Variants in PARD3 observed in about 807,000 individuals in gnomAD.
PARD3 encodes the protein par-3 family cell polarity regulator.
PARD3 carries 75 observed loss-of-function variants against 155.4 expected under a neutral mutation model. The ratio of observed to expected loss-of-function variants is 0.48; its 90% CI spans 0.40 to 0.58. PARD3 has a LOEUF of 0.58. PARD3 is among the 20% of genes least tolerant of loss of function. PARD3 has a pLI of 0.00. For synonymous variants in PARD3, 576 were observed against 610.5 expected, an observed-to-expected ratio of 0.94 and a Z score of 0.83; for missense variants, 1,642 against 1,721.7, an observed-to-expected ratio of 0.95 and a Z score of 0.82.
At chr10:34,330,698 G>T (rs1173029620) in intron 19 of PARD3, among the ~76,000 whole-genome samples, 2 of 151,768 alleles carry the variant, frequency 1.3e-5, no homozygotes, top group Non-Finnish European at 2.9e-5. Context: ...ATTAAAACTG[G>T]GAAAGTTTTA....
At chr10:34,498,010 C>T (rs576964937) in intron 3 of PARD3, among the ~76,000 whole-genome samples, 1 of 152,168 alleles carries the variant, frequency 6.6e-6, no homozygotes, top group South Asian at 2.1e-4. Flanking sequence ...GTGCTTTCCC[C>T]CCTCTCCTAC....
At chr10:34,675,024 GCTT>G (rs2093678863) in intron 2 of PARD3, among the ~76,000 whole-genome samples, 2 of 152,148 alleles carry the variant, frequency 1.3e-5, no homozygotes, top group Admixed American at 6.5e-5. Flanking sequence ...AATTTGCTTT[GCTT>G]CTTACCTTTT....
chr10:34,584,785 A>T lies in PARD3; in HGVS notation c.223-67626T>A, dbSNP rs12218352. Among the ~76,000 whole-genome samples the T allele has an allele frequency of 4.2e-4, 64 of 152,300 alleles. No individual in the cohort carries two copies. The East Asian group carries it at 0.012, about 28-fold the overall frequency. On this transcript the variant is annotated intron_variant, in intron 2 of 24. Coordinates refer to ENST00000374788, the MANE Select transcript of PARD3 (RefSeq NM_001184785.2). ...AAGCTAACTGGGCAGACAAAAAAAT[A>T]GGCTAGTCACCCAAGATTACTGTTT...
chr10:34,176,499 T>C (rs1479422267), intron 22 of PARD3, among the ~76,000 whole-genome samples: 1 of 152,224 alleles, frequency 6.6e-6, no homozygotes. Context: ...ATGTGTTTAT[T>C]GTTTCCACTT....
chr10:34,189,756 A>G (rs1287748729), intron 22 of PARD3, among the ~76,000 whole-genome samples: 2 of 152,240 alleles, frequency 1.3e-5, no homozygotes, highest in Non-Finnish European at 2.9e-5. Flanking sequence ...CCAAAAAAGG[A>G]CAACTGACAA....
intron 22 of PARD3, among the ~76,000 whole-genome samples, chr10:34,239,825 T>G (rs903834977): frequency 1.3e-5 from 2 of 151,606 alleles, no homozygotes; most frequent in East Asian, 3.9e-4. Flanking sequence ...AAAATTGGTG[T>G]TTGCCTTAAG....
intron 2 of PARD3, among the ~76,000 whole-genome samples, chr10:34,670,764 T>C (rs768775949): frequency 3.9e-5 from 6 of 152,204 alleles, no homozygotes; most frequent in Non-Finnish European, 7.3e-5. Context: ...CCGTGAACAG[T>C]TGCAATCCCT....
intron 2 of PARD3, among the ~76,000 whole-genome samples, chr10:34,586,954 A>G (rs185083777): frequency 1.3e-5 from 2 of 152,298 alleles, no homozygotes; most frequent in East Asian, 3.9e-4. Flanking sequence ...CATCTCCGAA[A>G]AAAAGAAGGC....
intron 3 of PARD3, among the ~76,000 whole-genome samples, chr10:34,514,330 A>C (rs2081576616): frequency 6.6e-6 from 1 of 152,180 alleles, no homozygotes. Flanking sequence ...AAATAGTTAG[A>C]CTACCATTTA....
At chr10:34,425,522 A>G (rs573693558) in intron 5 of PARD3, among the ~76,000 whole-genome samples, 1 of 152,118 alleles carries the variant, frequency 6.6e-6, no homozygotes, top group South Asian at 2.1e-4. Flanking sequence ...CAGCCTTCCT[A>G]GCAGCTGGGA....
chr10:34,378,146 T>C (rs1418133554), intron 9 of PARD3, 40 bp from the exon 10 acceptor site: 1 of 1,487,670 alleles, frequency 6.7e-7, no homozygotes, highest in Non-Finnish European at 9.1e-7. Flanking sequence ...TAAAATGAGA[T>C]ATCTTGAATT....
At chr10:34,734,698 C>T (rs1265754183) in intron 1 of PARD3, among the ~76,000 whole-genome samples, 5 of 152,042 alleles carry the variant, frequency 3.3e-5, no homozygotes, top group Non-Finnish European at 7.4e-5. Flanking sequence ...AATTAGGTCC[C>T]TACCTTACCA....
At chr10:34,346,550 C>CA in intron 15 of PARD3, 2 of 1,226,930 alleles carry the variant, frequency 1.6e-6, no homozygotes, top group Non-Finnish European at 2.1e-6. Flanking sequence ...ATTTCATCAA[C>CA]AAAAAAATAA....
intron 2 of PARD3, among the ~76,000 whole-genome samples, chr10:34,527,519 A>C (rs577963621): frequency 1.4e-3 from 211 of 152,314 alleles, no homozygotes; most frequent in Non-Finnish European, 1.9e-3. Context: ...GAGAAGAAAA[A>C]AGTGATTCAG....
intron 22 of PARD3, among the ~76,000 whole-genome samples, chr10:34,152,623 C>A (rs1948829883): frequency 6.6e-6 from 1 of 152,168 alleles, no homozygotes; most frequent in Non-Finnish European, 1.5e-5. Context: ...TCATTAAGTA[C>A]TTCAATGTGT....
At chr10:34,732,725 T>A (rs1445254243) in intron 1 of PARD3, among the ~76,000 whole-genome samples, 2 of 152,188 alleles carry the variant, frequency 1.3e-5, no homozygotes, top group Non-Finnish European at 2.9e-5. Flanking sequence ...TAGTAATTGA[T>A]TAATCGGTGA....
chr10:34,570,584 G>A (rs1180507423), intron 2 of PARD3, among the ~76,000 whole-genome samples: 2 of 152,194 alleles, frequency 1.3e-5, no homozygotes, highest in Admixed American at 1.3e-4. Context: ...TTAGACTAAA[G>A]TTTCGATGCC....
intron 1 of PARD3, among the ~76,000 whole-genome samples, chr10:34,807,591 A>G (rs1843566063): frequency 6.6e-6 from 1 of 152,198 alleles, no homozygotes; most frequent in South Asian, 2.1e-4. Flanking sequence ...GTCATGTTAT[A>G]GGAACAGAAT....
chr10:34,511,225 G>A (rs1296217445), intron 3 of PARD3, among the ~76,000 whole-genome samples: 1 of 152,166 alleles, frequency 6.6e-6, no homozygotes, highest in African/African-American at 2.4e-5. Flanking sequence ...CTTGGATTTA[G>A]AAGTCTGATC....
Sources: gnomAD v4.1 joint callset for allele counts (sites outside exome capture counted in the v4.1 genomes callset) on GRCh38, gnomAD v4.1.1 for gene constraint, MANE v1.5 for transcripts, NCBI Gene and HGNC (gene_info 2026-07-23, HGNC 2026-07-21) for gene names.